The following SLC22A15 variants were observed in gnomAD, a reference collection of about 807,000 sequenced individuals.
SLC22A15 encodes the protein solute carrier family 22 member 15.
Under a neutral mutation model 62.7 loss-of-function variants are expected in SLC22A15, and 45 were observed. The observed-to-expected ratio is 0.72, with a 90% CI of 0.56 to 0.92. SLC22A15 has a LOEUF of 0.92. Ranked by LOEUF, SLC22A15 falls within the 40% of genes least tolerant of loss-of-function variation. The pLI is 0.00. For synonymous variants in SLC22A15, 264 were observed against 267.0 expected (o/e 0.99, Z 0.11); for missense variants, 622 against 665.6 (o/e 0.93, Z 0.72).
intron 2 of SLC22A15, among the ~76,000 whole-genome samples, chr1:115,996,452 A>T (rs1295274641): frequency 6.6e-6 from 1 of 152,020 alleles, no homozygotes; most frequent in Non-Finnish European, 1.5e-5. Flanking sequence ...CATCAACACT[A>T]TGTGTTATTT....
chr1:116,032,280 A>T (rs1657441893), intron 6 of SLC22A15: 2 of 985,406 alleles, frequency 2.0e-6, no homozygotes, highest in Non-Finnish European at 2.4e-6. Context: ...GAAGTTGTAG[A>T]AAGAGGAGAA....
chr1:116,057,090 A>C (rs886250090), intron 8 of SLC22A15, among the ~76,000 whole-genome samples: 1 of 152,116 alleles, frequency 6.6e-6, no homozygotes, highest in Non-Finnish European at 1.5e-5. Flanking sequence ...TCTGCACAGC[A>C]AAGGAAACTA....
intron 8 of SLC22A15, among the ~76,000 whole-genome samples, chr1:116,055,348 A>G (rs1359261157): frequency 6.6e-6 from 1 of 151,926 alleles, no homozygotes; most frequent in Non-Finnish European, 1.5e-5. Flanking sequence ...TCCCAAGACT[A>G]AACCAGGAAG....
intron 1 of SLC22A15, among the ~76,000 whole-genome samples, chr1:115,987,047 A>G (rs1654904638): frequency 6.6e-6 from 1 of 152,186 alleles, no homozygotes; most frequent in Admixed American, 6.5e-5. Context: ...CACCTGGACC[A>G]TGTGGTGGAG....
At chr1:116,011,977 C>T (rs1284092285) in intron 2 of SLC22A15, among the ~76,000 whole-genome samples, 2 of 152,176 alleles carry the variant, frequency 1.3e-5, no homozygotes, top group African/African-American at 4.8e-5. Context: ...GAGTCAGTCA[C>T]CTGCCCTGAG....
At chr1:115,998,576 A>G (rs1655542828) in intron 2 of SLC22A15, among the ~76,000 whole-genome samples, 1 of 152,162 alleles carries the variant, frequency 6.6e-6, no homozygotes, top group Non-Finnish European at 1.5e-5. Flanking sequence ...TTATTGGCAT[A>G]TAGTTGCTCA....
In SLC22A15 at chr1:116,024,158, A is replaced by C. The variant is rs191359104; in HGVS notation, c.599-2735A>C. Among the ~76,000 whole-genome samples, 554 of 152,362 alleles carry C rather than the reference A, an allele frequency of 3.6e-3. 20 individuals carry two copies. The highest frequency in any genetic ancestry group is 0.032 in the Admixed American group (495 of 15,306). ...TTAGTAGGCTGCTATAGTTGGCCAC[A>C]TGAAACCAGTGGTGGGTTAGACAGG... is the stretch of plus-strand genomic sequence containing the variant. On this transcript the variant is annotated intron_variant, in intron 4 of 11. Transcript: ENST00000369503.
At chr1:115,978,286 A>G (rs1428377824) in intron 1 of SLC22A15, among the ~76,000 whole-genome samples, 1 of 152,088 alleles carries the variant, frequency 6.6e-6, no homozygotes, top group African/African-American at 2.4e-5. Flanking sequence ...GTTTGTCTTC[A>G]GTAGAGTGAG....
intron 8 of SLC22A15, among the ~76,000 whole-genome samples, chr1:116,058,696 A>G (rs1658295462): frequency 6.6e-6 from 1 of 152,242 alleles, no homozygotes; most frequent in Non-Finnish European, 1.5e-5. Context: ...AATCCCAATT[A>G]CAAAATCGTG....
intron 8 of SLC22A15, among the ~76,000 whole-genome samples, chr1:116,058,100 A>C (rs981582749): frequency 1.3e-5 from 2 of 151,852 alleles, no homozygotes; most frequent in African/African-American, 4.8e-5. Flanking sequence ...ACAGACTAAT[A>C]CATAAAAAAA....
chr1:115,982,580 T>A (rs560949335), intron 1 of SLC22A15, among the ~76,000 whole-genome samples: 2 of 152,342 alleles, frequency 1.3e-5, no homozygotes, highest in East Asian at 3.9e-4. Flanking sequence ...GTGTTGCATA[T>A]GTTATGCTTC....
intron 8 of SLC22A15, among the ~76,000 whole-genome samples, chr1:116,056,085 A>T (rs774859825): frequency 7.0e-6 from 1 of 143,370 alleles, no homozygotes; most frequent in Non-Finnish European, 1.5e-5. Flanking sequence ...GAAATAAAGG[A>T]TATTCAATTA....
Position 115,976,520 on chromosome 1 carries a change from C to T in SLC22A15, c.-108C>T, listed in dbSNP as rs1183179488. On this transcript the variant is annotated 5_prime_UTR_variant, in exon 1 of 12. Transcript: ENST00000369503. Reference sequence around the variant, plus strand: ...CCCGCCGCCAGCGCTTCCATCCCCGCCCCGGCGGGTCCAAGCCGGTGCCGG... The same window carrying T: ...CCCGCCGCCAGCGCTTCCATCCCCGTCCCGGCGGGTCCAAGCCGGTGCCGG... The T allele has an allele frequency of 1.8e-5, 9 of 512,274 alleles. No individual in the cohort carries two copies. The highest frequency in any genetic ancestry group is 2.6e-5 in the Non-Finnish European group (9 of 352,016). The allele number at this position is 512,274 out of a possible 1,614,324, so 31.7% of individuals were successfully genotyped here. A position where few individuals can be genotyped will look rare whatever the true frequency, so the allele number is the denominator to read the frequency against.
At chr1:116,015,309 A>G (rs1011448411) in intron 2 of SLC22A15, 8 of 152,166 alleles carry the variant, frequency 5.3e-5, no homozygotes, top group African/African-American at 1.9e-4. Flanking sequence ...TCCTGCATGT[A>G]TTCCAAGAGT....
At chr1:115,995,692 T>G (rs1429372608) in intron 2 of SLC22A15, among the ~76,000 whole-genome samples, 3 of 152,240 alleles carry the variant, frequency 2.0e-5, no homozygotes, top group Non-Finnish European at 4.4e-5. Flanking sequence ...ATCAACCATA[T>G]GTACATAATC....
chr1:115,984,540 G>A (rs1311288093), intron 1 of SLC22A15, among the ~76,000 whole-genome samples: 2 of 152,118 alleles, frequency 1.3e-5, no homozygotes, highest in Admixed American at 6.5e-5. Context: ...GATCATAATG[G>A]AGCTGAAAAA....
intron 11 of SLC22A15, 142 bp downstream of exon 11, chr1:116,066,850 A>G (rs1658511600): frequency 3.0e-6 from 3 of 996,166 alleles, no homozygotes; most frequent in Middle Eastern, 3.3e-4. Context: ...TTTCAGAGAA[A>G]TAAGGATGAT....
intron 8 of SLC22A15, among the ~76,000 whole-genome samples, chr1:116,054,582 C>T (rs1003362026): frequency 6.6e-6 from 1 of 152,174 alleles, no homozygotes; most frequent in Admixed American, 6.5e-5. Context: ...GAACTCTCCA[C>T]CCCAAATCAA....
intron 1 of SLC22A15, among the ~76,000 whole-genome samples, chr1:115,986,487 C>T (rs1038968212): frequency 7.9e-5 from 12 of 152,142 alleles, no homozygotes; most frequent in East Asian, 5.8e-4. Flanking sequence ...AGAAGGGAGA[C>T]GGTGTGGTCT....
Sources: allele counts gnomAD v4.1 joint callset (sites outside exome capture counted in the v4.1 genomes callset), GRCh38; gene constraint gnomAD v4.1.1; transcripts MANE v1.5; gene names NCBI Gene and HGNC (gene_info 2026-07-23, HGNC 2026-07-21).